Variants in DPP9 observed in about 807,000 individuals in gnomAD.
The protein encoded by DPP9 is dipeptidyl peptidase 9.
In DPP9, 50 loss-of-function variants were observed where a neutral mutation model predicts 110.7. The observed-to-expected ratio is 0.45, with a 90% CI of 0.36 to 0.57. The LOEUF (loss-of-function observed/expected upper bound fraction) is 0.57, where lower values mean the gene tolerates loss of function less well. Among genes scored for constraint, DPP9 ranks in the 20% least tolerant of loss-of-function variants. The probability of loss-of-function intolerance (pLI) is 0.00; values close to 1 mark genes in which losing one functional copy is unlikely to be tolerated. For missense variants in DPP9, 1,022 were observed against 1,217.9 expected, an observed-to-expected ratio of 0.84 and a Z score of 2.39; for synonymous variants, 561 against 514.4, an observed-to-expected ratio of 1.09 and a Z score of -1.23.
intron 20 of DPP9, among the ~76,000 whole-genome samples, chr19:4,681,865 G>A (rs1156327187): frequency 9.6e-5 from 4 of 41,708 alleles, no homozygotes; most frequent in Non-Finnish European, 1.4e-4. Flanking sequence ...TTTTTTTTTT[G>A]AATTGGAGTC....
At position 4,695,420 on chromosome 19, in the gene DPP9, C is replaced by T. The variant is rs1291942565; in HGVS notation, c.1311G>A (p.Gln437=). The T allele has an allele frequency of 1.9e-6, 3 of 1,593,622 alleles. No individual in the cohort carries two copies. The highest frequency in any genetic ancestry group is 2.6e-6 in the Non-Finnish European group (3 of 1,170,360). ...ASARAVPRNV[Q]PYVVYEEVTN... is the part of the protein sequence containing the mutation. ...TGACCTCCTCGTACACCACATACGG[C>T]TGGACATTCCTGGGGACAGCTCTGG... The change falls in exon 12 of 22, where the codon CAG becomes CAA. Residue 437 remains glutamine (Q), a synonymous_variant. Coordinates refer to ENST00000262960, the MANE Select transcript of DPP9 (RefSeq NM_139159.5). This position sits in a 1 kb window ranked among gnomAD's most constrained non-coding sequence, Gnocchi z 4.7.
In DPP9 at chr19:4,687,756, A is replaced by G. The variant is rs1204387461; in HGVS notation, c.1885+1001T>C. On this transcript the variant is annotated intron_variant, in intron 16 of 21. Transcript: ENST00000262960. This position sits in a 1 kb window ranked among gnomAD's most constrained non-coding sequence, Gnocchi z 4.7. The stretch of plus-strand genomic sequence containing the variant: ...GCGGGTTTCAAACCAGTGTGGGTGG[A>G]CTCTGACATCCCGGCCACCCCTGCA... Among the ~76,000 whole-genome samples the G allele has an allele frequency of 6.6e-6, 1 of 151,456 alleles. No homozygotes were observed. Among genetic ancestry groups the G allele is most frequent in the Non-Finnish European group, 1.5e-5 (1 of 67,912 alleles).
intron 4 of DPP9, 87 bp from the exon 5 acceptor site, chr19:4,706,057 C>T: frequency 8.5e-7 from 1 of 1,174,688 alleles, no homozygotes; most frequent in Non-Finnish European, 1.2e-6. Context: ...CCAGCTGGTT[C>T]CCTCTGCTTC....
Position 4,700,162 on chromosome 19 carries a change from G to A in DPP9, c.1074+54C>T, listed in dbSNP as rs549102341. The A allele has an allele frequency of 9.1e-6, 13 of 1,422,718 alleles. No individual in the cohort carries two copies. Among genetic ancestry groups the A allele is most frequent in the South Asian group, 4.3e-5 (3 of 70,542 alleles). The allele number at this position is 1,422,718 out of a possible 1,614,324, so 88.1% of individuals were successfully genotyped here. A position where few individuals can be genotyped will look rare whatever the true frequency, so the allele number is the denominator to read the frequency against. ...TGCCCATCCACCCAGCTGCCTACCCGGCCCTTCCCCGCATCATCTAGTAGA... is the reference window on the plus strand; with the variant it reads ...TGCCCATCCACCCAGCTGCCTACCCAGCCCTTCCCCGCATCATCTAGTAGA... On this transcript the variant is annotated intron_variant, in intron 10 of 21. Coordinates refer to ENST00000262960, the MANE Select transcript of DPP9 (RefSeq NM_139159.5). This position sits in a 1 kb window ranked among gnomAD's most constrained non-coding sequence, Gnocchi z 4.3.
At chr19:4,703,453 C>T (rs34517011) in intron 7 of DPP9, among the ~76,000 whole-genome samples, 6,752 of 144,872 alleles carry the variant, frequency 0.047, 227 homozygotes, top group Non-Finnish European at 0.072. Flanking sequence ...GGGGAAACCT[C>T]GTCACAACTA....
Position 4,695,754 on chromosome 19 carries a change from T to G in DPP9, c.1176-199A>C, listed in dbSNP as rs1482667165. On this transcript the variant is annotated intron_variant, in intron 11 of 21. Coordinates refer to ENST00000262960, the MANE Select transcript of DPP9 (RefSeq NM_139159.5). This position sits in a 1 kb window ranked among gnomAD's most constrained non-coding sequence, Gnocchi z 4.7. The stretch of plus-strand genomic sequence containing the variant: ...GGCACATGCTTAGGGGAGGACAGGA[T>G]GGGTGACAAGATTTCATGATCCAAG... Among the ~76,000 whole-genome samples, 1 of 152,166 alleles carries G rather than the reference T, an allele frequency of 6.6e-6. No individual in the cohort carries two copies. Among genetic ancestry groups the G allele is most frequent in the Non-Finnish European group, 1.5e-5 (1 of 68,034 alleles).
At position 4,685,661 on chromosome 19, in the gene DPP9, G is replaced by C; in HGVS notation, c.1996C>G (p.His666Asp). The change falls in exon 17 of 22, where the codon CAC becomes GAC. Residue 666 changes from histidine to aspartate, a missense_variant. By Grantham distance (81) the His-to-Asp change is moderately conservative (BLOSUM62 -1). Around this residue, in one of 3 missense-constraint regions of DPP9, gnomAD observed 810 missense variants for 920.6 expected, o/e 0.88. Coordinates refer to ENST00000262960, the MANE Select transcript of DPP9 (RefSeq NM_139159.5). This position sits in a 1 kb window ranked among gnomAD's most constrained non-coding sequence, Gnocchi z 5.8. ...KPHALQPGKKHPTVLFVYGGP... is the reference protein window; with the variant it reads ...KPHALQPGKKDPTVLFVYGGP... ...CCATATACAAAGAGGACGGTGGGGTGCTTCTTCCCTGGCTGCAAGGCGTGG... is the reference window on the plus strand; with the variant it reads ...CCATATACAAAGAGGACGGTGGGGTCCTTCTTCCCTGGCTGCAAGGCGTGG... 1.9e-6 allele frequency: 3 copies of C among 1,612,026 alleles called. No individual in the cohort carries two copies. Among genetic ancestry groups the C allele is most frequent in the Non-Finnish European group, 2.5e-6 (3 of 1,179,266 alleles).
In DPP9 at chr19:4,714,411, C is replaced by A. The variant is rs997923932; in HGVS notation, c.57-74G>T. ...CGAGCTGCCCCAATGCTGCCCCTTG[C>A]GAGGCACTCAGGTTCTTCCAGACGA... is the stretch of plus-strand genomic sequence containing the variant. On this transcript the variant is annotated intron_variant, in intron 3 of 21. Coordinates refer to ENST00000262960, the MANE Select transcript of DPP9 (RefSeq NM_139159.5). 2.8e-6 allele frequency: 4 copies of A among 1,434,632 alleles called. No homozygotes were observed. The African/African-American group carries it at 5.7e-5, about 21-fold the overall frequency. The allele number at this position is 1,434,632 out of a possible 1,614,324, so 88.9% of individuals were successfully genotyped here. A position where few individuals can be genotyped will look rare whatever the true frequency, so the allele number is the denominator to read the frequency against.
Position 4,700,769 on chromosome 19 carries a change from C to G in DPP9, c.1013-492G>C, listed in dbSNP as rs777355185. 2.0e-5 allele frequency among the ~76,000 whole-genome samples: 3 copies of G among 152,168 alleles called. No homozygotes were observed. The highest frequency in any genetic ancestry group is 4.4e-5 in the Non-Finnish European group (3 of 68,032). On this transcript the variant is annotated intron_variant, in intron 9 of 21. Transcript: ENST00000262960. This position sits in a 1 kb window ranked among gnomAD's most constrained non-coding sequence, Gnocchi z 4.3. Reference sequence around the variant, plus strand: ...AGGCCAATGGCGACAGAATAAGGGACCCAAGAGGCTTCTGAAGAGTGGGAC... The same window carrying G: ...AGGCCAATGGCGACAGAATAAGGGAGCCAAGAGGCTTCTGAAGAGTGGGAC...
Position 4,676,208 on chromosome 19 carries a change from G to A in DPP9, c.*356C>T. On this transcript the variant is annotated 3_prime_UTR_variant, in exon 22 of 22. Transcript: ENST00000262960. The surrounding 1 kb of genome is among the most constrained non-coding windows in gnomAD (Gnocchi z 4.0). ...GGCTGGCCGGGCCAGGGGACTGAGA[G>A]GTCACAGGGAGCCCCAGGCGGAAGG... 1 of 269,452 alleles carries A rather than the reference G, an allele frequency of 3.7e-6. No individual in the cohort carries two copies. Among genetic ancestry groups the A allele is most frequent in the Non-Finnish European group, 7.1e-6 (1 of 140,062 alleles). 16.7% of individuals were successfully genotyped at this position (269,452 alleles called of 1,614,324 possible). A position where few individuals can be genotyped will look rare whatever the true frequency, so the allele number is the denominator to read the frequency against.
At chr19:4,708,030 A>T (rs1473873139) in intron 4 of DPP9, among the ~76,000 whole-genome samples, 1 of 152,158 alleles carries the variant, frequency 6.6e-6, no homozygotes, top group East Asian at 1.9e-4. Context: ...TGTTACAGGC[A>T]GCCGCAGGGT....
At chr19:4,705,767 G>C in intron 5 of DPP9, 91 bp downstream of exon 5, 1 of 1,256,770 alleles carries the variant, frequency 8.0e-7, no homozygotes, top group Non-Finnish European at 1.1e-6. Context: ...CGGTGGGGCA[G>C]AGAGGTGACC....
Position 4,714,280 on chromosome 19 carries a change from G to T in DPP9, c.114C>A (p.Ala38=), listed in dbSNP as rs368727935. 1 of 1,552,964 alleles carries T rather than the reference G, an allele frequency of 6.4e-7. No homozygotes were observed. Among genetic ancestry groups the T allele is most frequent in the Non-Finnish European group, 8.7e-7 (1 of 1,152,238 alleles). The part of the protein sequence containing the change: ...ERMATTGTPT[A]DRGDAAATDD... ...CTGTGGCGGCTGCGTCGCCTCGGTC[G>T]GCCGTTGGGGTCCCGGTGGTGGCCA... is the stretch of plus-strand genomic sequence containing the variant. Residue 38 remains alanine, a synonymous_variant, in exon 4 of 22, where the codon GCC becomes GCA. Transcript: ENST00000262960.
chr19:4,703,827 C>T, intron 7 of DPP9, 59 bp downstream of exon 7: 6 of 1,537,280 alleles, frequency 3.9e-6, no homozygotes, highest in Non-Finnish European at 5.3e-6. Context: ...GGCAATGGGG[C>T]CTTTCTGGAA....
At chr19:4,690,410 G>A (rs1599887057) in intron 14 of DPP9, among the ~76,000 whole-genome samples, 1 of 152,196 alleles carries the variant, frequency 6.6e-6, no homozygotes, top group Non-Finnish European at 1.5e-5. Flanking sequence ...CTGGAGCGTG[G>A]GGTGACCAGG....
intron 4 of DPP9, 24 bp from the exon 5 acceptor site, chr19:4,705,994 A>C (rs1464497915): frequency 8.7e-6 from 14 of 1,603,304 alleles, no homozygotes; most frequent in Non-Finnish European, 1.2e-5. Context: ...GGAAACACCC[A>C]GAACGGGTAC....
At chr19:4,713,839 G>A (rs1011954146) in intron 4 of DPP9, among the ~76,000 whole-genome samples, 3 of 152,152 alleles carry the variant, frequency 2.0e-5, no homozygotes, top group Admixed American at 6.5e-5. Context: ...ATGGAGGAGC[G>A]GGGCTGCCCT....
At position 4,677,208 on chromosome 19, in the gene DPP9, G is replaced by C. The variant is rs575081442; in HGVS notation, c.2587-552C>G. 9.2e-5 allele frequency among the ~76,000 whole-genome samples: 14 copies of C among 152,216 alleles called. No individual in the cohort carries two copies. The South Asian group carries it at 2.3e-3, about 25-fold the overall frequency. On this transcript the variant is annotated intron_variant, in intron 21 of 21. Transcript: ENST00000262960. ...GAACTCCCCAGGCTCCTGAGACCTG[G>C]ACCAGCCAACGCCAGGCCTGGGGGT...
chr19:4,710,994 G>A lies in DPP9; in HGVS notation c.313+3087C>T, dbSNP rs1014241981. Among the ~76,000 whole-genome samples, 6 of 152,160 alleles carry A rather than the reference G, an allele frequency of 3.9e-5. No homozygotes were observed. Among genetic ancestry groups the A allele is most frequent in the African/African-American group, 9.7e-5 (4 of 41,442 alleles). ...GGCGACCCGACGATCTCATCTATGC[G>A]GAGTCAATCTGAATCTTTGTCCCGG... On this transcript the variant is annotated intron_variant, in intron 4 of 21. Coordinates refer to ENST00000262960, the MANE Select transcript of DPP9 (RefSeq NM_139159.5). The surrounding 1 kb of genome is among the most constrained non-coding windows in gnomAD (Gnocchi z 5.6).
Sources: allele counts gnomAD v4.1 joint callset (sites outside exome capture counted in the v4.1 genomes callset), GRCh38; gene constraint gnomAD v4.1.1; regional missense constraint gnomAD v4.1.1; non-coding constraint Gnocchi (gnomAD v3.1); transcripts MANE v1.5; gene names NCBI Gene and HGNC (gene_info 2026-07-23, HGNC 2026-07-21).